Variants in TENM1 observed in about 807,000 individuals in gnomAD.
TENM1 encodes teneurin-1.
In TENM1, 35 loss-of-function variants were observed where a neutral mutation model predicts 174.8. That is an observed-to-expected ratio of 0.20 (90% CI 0.15 to 0.27). The LOEUF is 0.27. Ranked by LOEUF, TENM1 falls within the 10% of genes least tolerant of loss-of-function variation. The probability of loss-of-function intolerance (pLI) is 1.00; values close to 1 mark genes in which losing one functional copy is unlikely to be tolerated. For synonymous variants in TENM1, 781 were observed against 798.7 expected, an observed-to-expected ratio of 0.98 and a Z score of 0.37; for missense variants, 1,633 against 2,130.1, an observed-to-expected ratio of 0.77 and a Z score of 4.59.
intron 3 of TENM1, among the ~76,000 whole-genome samples, chrX:124,867,439 C>T (rs931677605): frequency 1.1e-4 from 12 of 111,595 alleles, no homozygotes; most frequent in Non-Finnish European, 2.3e-4. Flanking sequence ...AATTCAACAC[C>T]ACTTCATGAT....
At chrX:124,649,731 G>T (rs2051248799) in intron 8 of TENM1, among the ~76,000 whole-genome samples, 1 of 112,156 alleles carries the variant, frequency 8.9e-6, no homozygotes. Context: ...GTTATTAATT[G>T]TCTTCATCCT....
intron 1 of TENM1, among the ~76,000 whole-genome samples, chrX:124,920,356 T>C (rs1375109364): frequency 9.0e-6 from 1 of 111,416 alleles, no homozygotes; most frequent in African/African-American, 3.3e-5. Context: ...GTAGATCTAC[T>C]TAACTTTTTT....
chrX:125,009,536 G>T, the TENM1 span, among the ~76,000 whole-genome samples: 1 of 111,322 alleles, frequency 9.0e-6, no homozygotes, highest in Non-Finnish European at 1.9e-5. Flanking sequence ...ATTGTATGAG[G>T]CCAGCATCAT....
the TENM1 span, among the ~76,000 whole-genome samples, chrX:125,182,454 G>T: frequency 8.8e-5 from 4 of 45,679 alleles, no homozygotes; most frequent in African/African-American, 4.4e-4. Flanking sequence ...TTCGGCGGGC[G>T]GGGGGGGGGG....
chrX:124,723,733 T>C (rs1188372247), intron 4 of TENM1, among the ~76,000 whole-genome samples: 1 of 108,542 alleles, frequency 9.2e-6, no homozygotes, highest in African/African-American at 3.4e-5. Context: ...CCGGAGTAGC[T>C]GGGAATACAG....
intron 11 of TENM1, among the ~76,000 whole-genome samples, chrX:124,638,148 G>C (rs908159177): frequency 9.0e-6 from 1 of 111,000 alleles, no homozygotes; most frequent in Non-Finnish European, 1.9e-5. Flanking sequence ...GAGTGGGGTA[G>C]GGTTTAGGGT....
chrX:124,535,050 G>A (rs1225659432), intron 15 of TENM1, among the ~76,000 whole-genome samples: 1 of 111,910 alleles, frequency 8.9e-6, no homozygotes, highest in African/African-American at 3.3e-5. Context: ...TGGGATTGTG[G>A]TGTTGGTCCT....
intron 11 of TENM1, among the ~76,000 whole-genome samples, chrX:124,598,958 A>G (rs1224231450): frequency 8.9e-6 from 1 of 111,791 alleles, no homozygotes; most frequent in East Asian, 2.8e-4. Flanking sequence ...TGGATACCTC[A>G]TTTACTCTGA....
chrX:124,475,893 C>T (rs2061382239), intron 22 of TENM1, among the ~76,000 whole-genome samples: 1 of 111,818 alleles, frequency 8.9e-6, no homozygotes, highest in Admixed American at 9.5e-5. Context: ...ATCCAAACTT[C>T]CTTTTCTTGC....
At chrX:124,403,667 A>T (rs1242729249) in intron 27 of TENM1, among the ~76,000 whole-genome samples, 3 of 111,299 alleles carry the variant, frequency 2.7e-5, no homozygotes, top group Non-Finnish European at 5.7e-5. Flanking sequence ...AGGTTACCAA[A>T]TTTTTGATAT....
At chrX:124,650,200 CAAAAAAAAAAAA>C (rs755570562) in intron 8 of TENM1, among the ~76,000 whole-genome samples, 5 of 24,844 alleles carry the variant, frequency 2.0e-4, no homozygotes, top group Non-Finnish European at 4.6e-4. Flanking sequence ...AAACTGTCTC[CAAAAAAAAAAAA>C]AAAAAAAAAA....
At chrX:124,424,226 A>G (rs2060685751) in intron 23 of TENM1, among the ~76,000 whole-genome samples, 1 of 111,759 alleles carries the variant, frequency 8.9e-6, no homozygotes, top group Admixed American at 9.5e-5. Flanking sequence ...GTGTCCCCCA[A>G]ATATCATGTG....
chrX:125,191,888 G>A, the TENM1 span, among the ~76,000 whole-genome samples: 2 of 111,280 alleles, frequency 1.8e-5, no homozygotes, highest in African/African-American at 6.5e-5. Context: ...TGAATGGATT[G>A]GTAATTTATA....
chrX:124,537,611 G>C (rs724269), intron 15 of TENM1, among the ~76,000 whole-genome samples: 13,386 of 111,352 alleles, frequency 0.12, 613 homozygotes, highest in African/African-American at 0.14. Flanking sequence ...ACAGAATTAT[G>C]GCTACCTGGA....
intron 11 of TENM1, among the ~76,000 whole-genome samples, chrX:124,593,235 C>T (rs1371990674): frequency 1.8e-5 from 2 of 111,432 alleles, no homozygotes; most frequent in East Asian, 2.8e-4. Context: ...GCAGAGAGGG[C>T]CTCCCTGCAC....
chrX:124,530,005 A>G, intron 15 of TENM1, 22 bp from the exon 19 acceptor site: 4 of 1,202,739 alleles, frequency 3.3e-6, no homozygotes, highest in Non-Finnish European at 3.4e-6. Flanking sequence ...GACCAAAGGC[A>G]AACAGAAAAG....
the TENM1 span, among the ~76,000 whole-genome samples, chrX:125,137,016 AC>A: frequency 9.0e-6 from 1 of 110,937 alleles, no homozygotes; most frequent in East Asian, 2.8e-4. Flanking sequence ...AGTCAGACAG[AC>A]CCGAGTTCAT....
chrX:124,593,620 G>C (rs2049816910), intron 11 of TENM1, among the ~76,000 whole-genome samples: 1 of 111,696 alleles, frequency 9.0e-6, no homozygotes, highest in Non-Finnish European at 1.9e-5. Flanking sequence ...AGCAGCTCAG[G>C]CTTCTGGTCC....
chrX:124,921,400 T>TG (rs2058020417), intron 1 of TENM1, among the ~76,000 whole-genome samples: 1 of 111,401 alleles, frequency 9.0e-6, no homozygotes, highest in Admixed American at 9.5e-5. Flanking sequence ...TTTATTTTTA[T>TG]GAAAATTGGG....
Sources: gnomAD v4.1 joint callset for allele counts (sites outside exome capture counted in the v4.1 genomes callset) on GRCh38, gnomAD v4.1.1 for gene constraint, MANE v1.5 for transcripts, NCBI Gene and HGNC (gene_info 2026-07-23, HGNC 2026-07-21) for gene names.